The following TMC1 variants were observed in gnomAD, a reference collection of about 807,000 sequenced individuals.
The protein encoded by TMC1 is transmembrane channel like 1.
In TMC1, 84 loss-of-function variants were observed where a neutral mutation model predicts 105.8. The observed-to-expected ratio is 0.79, with a 90% CI of 0.67 to 0.95. The LOEUF is 0.95. Ranked by LOEUF, TMC1 falls within the 40% of genes least tolerant of loss-of-function variation. TMC1 has a pLI of 0.00. For synonymous variants in TMC1, 315 were observed against 311.5 expected, an observed-to-expected ratio of 1.01 and a Z score of -0.12; for missense variants, 817 against 914.1, an observed-to-expected ratio of 0.89 and a Z score of 1.37.
At chr9:72,594,154 T>C (rs1479418819) in intron 2 of TMC1, among the ~76,000 whole-genome samples, 1 of 152,212 alleles carries the variant, frequency 6.6e-6, no homozygotes, top group Non-Finnish European at 1.5e-5. Context: ...ATGAGTTTTA[T>C]TGATTTTTAC....
chr9:72,756,540 A>G (rs1588068221), intron 12 of TMC1, among the ~76,000 whole-genome samples: 2 of 152,016 alleles, frequency 1.3e-5, no homozygotes, highest in Middle Eastern at 3.4e-3. Context: ...CTCACTTTCA[A>G]ATTTCAAATA....
intron 6 of TMC1, among the ~76,000 whole-genome samples, chr9:72,693,903 T>G (rs1206061053): frequency 6.6e-6 from 1 of 152,108 alleles, no homozygotes; most frequent in Non-Finnish European, 1.5e-5. Context: ...ATTAAATTTA[T>G]GTTACCTATT....
intron 4 of TMC1, among the ~76,000 whole-genome samples, chr9:72,629,058 A>G (rs1022160944): frequency 6.6e-6 from 1 of 152,236 alleles, no homozygotes; most frequent in African/African-American, 2.4e-5. Context: ...ACTATATGCC[A>G]TATTCTTTAC....
intron 5 of TMC1, among the ~76,000 whole-genome samples, chr9:72,665,770 T>C (rs768002395): frequency 1.3e-5 from 2 of 152,224 alleles, no homozygotes; most frequent in Non-Finnish European, 2.9e-5. Context: ...GCTTAGCTTT[T>C]TGTTGCCTAC....
At chr9:72,809,859 C>G (rs1358116695) in intron 18 of TMC1, among the ~76,000 whole-genome samples, 1 of 152,122 alleles carries the variant, frequency 6.6e-6, no homozygotes, top group Non-Finnish European at 1.5e-5. Context: ...GTTCCTCATA[C>G]TCTTCACCAC....
chr9:72,746,297 T>C (rs1048757638), intron 10 of TMC1, among the ~76,000 whole-genome samples: 2 of 152,208 alleles, frequency 1.3e-5, no homozygotes, highest in Admixed American at 1.3e-4. Context: ...GAGCAAATAG[T>C]GGATGCCTAA....
intron 8 of TMC1, among the ~76,000 whole-genome samples, chr9:72,721,016 G>A (rs527318910): frequency 3.9e-5 from 6 of 152,136 alleles, no homozygotes; most frequent in Admixed American, 2.0e-4. Context: ...ATGCAAATGG[G>A]GGGCCCCTTG....
At chr9:72,576,839 C>G (rs148039022) in intron 1 of TMC1, among the ~76,000 whole-genome samples, 317 of 152,020 alleles carry the variant, frequency 2.1e-3, no homozygotes, top group African/African-American at 7.1e-3. Flanking sequence ...CCATGTTGGC[C>G]AGGGTGGTCT....
At chr9:72,525,633 C>G (rs983069149) in intron 1 of TMC1, among the ~76,000 whole-genome samples, 3 of 152,160 alleles carry the variant, frequency 2.0e-5, no homozygotes, top group African/African-American at 7.2e-5. Flanking sequence ...GATGGATCAT[C>G]ACTGAAAGAA....
At chr9:72,531,898 TA>T (rs1387179351) in intron 1 of TMC1, among the ~76,000 whole-genome samples, 1 of 152,306 alleles carries the variant, frequency 6.6e-6, no homozygotes, top group African/African-American at 2.4e-5. Context: ...AGAATCCTGC[TA>T]GCCCTCTGAT....
At chr9:72,772,898 C>T (rs1200878729) in intron 13 of TMC1, among the ~76,000 whole-genome samples, 3 of 152,110 alleles carry the variant, frequency 2.0e-5, no homozygotes, top group Non-Finnish European at 2.9e-5. Context: ...CTCTCTTTTG[C>T]GTGCAGAGAG....
At chr9:72,818,531 C>T (rs1181555265) in intron 19 of TMC1, 1 of 152,188 alleles carries the variant, frequency 6.6e-6, no homozygotes, top group African/African-American at 2.4e-5. Context: ...AACACTGCTT[C>T]ACTGGGTACT....
At chr9:72,769,244 G>A (rs185769460) in intron 12 of TMC1, among the ~76,000 whole-genome samples, 149 of 152,286 alleles carry the variant, frequency 9.8e-4, no homozygotes, top group African/African-American at 2.9e-3. Flanking sequence ...TTGAATTTTT[G>A]TGTGTGCAGG....
At chr9:72,524,530 T>G (rs1823372599) in intron 1 of TMC1, among the ~76,000 whole-genome samples, 1 of 152,228 alleles carries the variant, frequency 6.6e-6, no homozygotes, top group South Asian at 2.1e-4. Context: ...ATTTGATCAC[T>G]ATAACAACCC....
intron 18 of TMC1, among the ~76,000 whole-genome samples, chr9:72,811,242 G>T (rs1828698431): frequency 6.6e-6 from 1 of 152,126 alleles, no homozygotes; most frequent in East Asian, 1.9e-4. Flanking sequence ...AAAAGGGATT[G>T]TGAATATTTT....
chr9:72,684,371 A>T (rs1271812984), intron 5 of TMC1, among the ~76,000 whole-genome samples: 1 of 152,180 alleles, frequency 6.6e-6, no homozygotes, highest in Non-Finnish European at 1.5e-5. Context: ...TTCAGTCCAC[A>T]TTGTACTTAG....
At chr9:72,676,974 T>G (rs1222301035) in intron 5 of TMC1, among the ~76,000 whole-genome samples, 2 of 152,092 alleles carry the variant, frequency 1.3e-5, no homozygotes, top group Non-Finnish European at 2.9e-5. Flanking sequence ...GTCTTTCCCT[T>G]TCTCTCTCAT....
At chr9:72,756,669 T>C (rs760803917) in intron 12 of TMC1, among the ~76,000 whole-genome samples, 1 of 152,232 alleles carries the variant, frequency 6.6e-6, no homozygotes, top group Non-Finnish European at 1.5e-5. Context: ...TGACTTTTTC[T>C]GTTTTTTAAG....
Position 72,751,951 on chromosome 9 carries a change from C to T in TMC1, c.637C>T (p.Pro213Ser), listed in dbSNP as rs745569653. ...FILTFSLIML[P>S]EYLWGLPYGS... Reference sequence around the variant, plus strand: ...CCTGACATTTAGCCTCATCATGTTGCCAGAGGTGAGATCTGACTTCCAGTT... The same window carrying T: ...CCTGACATTTAGCCTCATCATGTTGTCAGAGGTGAGATCTGACTTCCAGTT... Residue 213 changes from proline to serine, a missense_variant, in exon 11 of 24, where the codon CCA becomes TCA. Pro to Ser is a moderately conservative substitution (Grantham distance 74). Transcript: ENST00000297784. 14 of 1,595,764 alleles carry T rather than the reference C, an allele frequency of 8.8e-6. No homozygotes were observed. The highest frequency in any genetic ancestry group is 1.2e-5 in the Non-Finnish European group (14 of 1,163,658).
Sources: gnomAD v4.1 joint callset for allele counts (sites outside exome capture counted in the v4.1 genomes callset) on GRCh38, gnomAD v4.1.1 for gene constraint, MANE v1.5 for transcripts, NCBI Gene and HGNC (gene_info 2026-07-23, HGNC 2026-07-21) for gene names.